Variants in ENPP6 observed in about 807,000 individuals in gnomAD.
ENPP6 encodes the protein glycerophosphocholine cholinephosphodiesterase ENPP6.
Under a neutral mutation model 42.0 loss-of-function variants are expected in ENPP6, and 32 were observed. That is an observed-to-expected ratio of 0.76 (90% CI 0.58 to 1.02). The LOEUF (loss-of-function observed/expected upper bound fraction) is 1.02. ENPP6 is among the 50% of genes least tolerant of loss of function. ENPP6 has a pLI of 0.00. For synonymous variants in ENPP6, 213 were observed against 216.0 expected, an observed-to-expected ratio of 0.99 and a Z score of 0.12; for missense variants, 552 against 566.8, an observed-to-expected ratio of 0.97 and a Z score of 0.27.
intron 2 of ENPP6, among the ~76,000 whole-genome samples, chr4:184,143,155 T>A (rs1197654982): frequency 6.6e-6 from 1 of 152,248 alleles, no homozygotes; most frequent in Non-Finnish European, 1.5e-5. Flanking sequence ...CACAGCAGAC[T>A]GAACCTACCT....
At position 184,131,473 on chromosome 4, in the gene ENPP6, C is replaced by T. The variant is rs1736632220; in HGVS notation, c.422-7201G>A. ...GTTCAAGCGATTCTCCTGCCTTAGC[C>T]TCCCCGAGTAGCTGGGACTACAGGC... On this transcript the variant is annotated intron_variant, in intron 2 of 7. Transcript: ENST00000296741. Among the ~76,000 whole-genome samples the T allele has an allele frequency of 2.0e-5, 3 of 151,172 alleles. No homozygotes were observed. In the South Asian group the frequency reaches 6.3e-4, roughly 32 times the overall value.
At chr4:184,140,388 A>C (rs1210748205) in intron 2 of ENPP6, among the ~76,000 whole-genome samples, 1 of 152,126 alleles carries the variant, frequency 6.6e-6, no homozygotes, top group South Asian at 2.1e-4. Context: ...GGAAAAAACT[A>C]CTTTAAGGTT....
intron 2 of ENPP6, among the ~76,000 whole-genome samples, chr4:184,135,035 G>T (rs758980559): frequency 2.0e-5 from 3 of 151,448 alleles, no homozygotes; most frequent in Non-Finnish European, 2.9e-5. Flanking sequence ...ATTGATTATT[G>T]TTTAATTACA....
At chr4:184,194,339 C>T (rs1732761479) in intron 1 of ENPP6, among the ~76,000 whole-genome samples, 1 of 152,216 alleles carries the variant, frequency 6.6e-6, no homozygotes, top group Admixed American at 6.5e-5. Context: ...GAGCAACGAA[C>T]AGTCACGATG....
chr4:184,200,581 A>G (rs116722072), intron 1 of ENPP6, among the ~76,000 whole-genome samples: 3,432 of 152,312 alleles, frequency 0.023, 139 homozygotes, highest in African/African-American at 0.079. Flanking sequence ...TTCTCACGCT[A>G]AACAGCAAGA....
chr4:184,117,999 G>T, intron 3 of ENPP6, 99 bp from the exon 4 acceptor site: 1 of 1,439,340 alleles, frequency 6.9e-7, no homozygotes, highest in South Asian at 1.4e-5. Flanking sequence ...CACGCCCCCC[G>T]AAACCTTGTC....
chr4:184,146,550 G>A, intron 2 of ENPP6, among the ~76,000 whole-genome samples: 1 of 152,198 alleles, frequency 6.6e-6, no homozygotes, highest in Non-Finnish European at 1.5e-5. Context: ...TTAAAGAAAT[G>A]AAATAGCCGC....
chr4:184,165,199 A>T (rs542328249), intron 1 of ENPP6, among the ~76,000 whole-genome samples: 1 of 152,338 alleles, frequency 6.6e-6, no homozygotes, highest in East Asian at 1.9e-4. Context: ...CAGTTTAATT[A>T]TAATAGTTCC....
chr4:184,168,888 C>A (rs1021273084), intron 1 of ENPP6, among the ~76,000 whole-genome samples: 4 of 152,194 alleles, frequency 2.6e-5, no homozygotes, highest in Admixed American at 1.3e-4. Context: ...GGCTGGGAGT[C>A]TCGTGCTGTG....
intron 2 of ENPP6, among the ~76,000 whole-genome samples, chr4:184,150,616 C>G (rs1042750769): frequency 1.3e-5 from 2 of 152,210 alleles, no homozygotes; most frequent in African/African-American, 2.4e-5. Context: ...TGCAGCTGCC[C>G]CCCAGGAAGA....
rs1735743550 is a variant in ENPP6, at chr4:184,089,278, C to A, written c.*1899G>T. On this transcript the variant is annotated 3_prime_UTR_variant, in exon 8 of 8. Transcript: ENST00000296741. ...AAATTCAGTATTTTTAAGCAGTGAT[C>A]CTTTGCTCTCATGATTCATGGCATG... is the stretch of plus-strand genomic sequence containing the variant. The A allele has an allele frequency of 6.6e-6, 1 of 152,062 alleles. No homozygotes were observed. The highest frequency in any genetic ancestry group is 2.1e-4 in the South Asian group (1 of 4,822). The allele number at this position is 152,062 out of a possible 1,614,324, so 9.4% of individuals were successfully genotyped here.
rs77210868 is a variant in ENPP6, at chr4:184,139,264, G to A, written c.421+14290C>T. ...AATGACAATGGCAAAGAAATGGAGC[G>A]TGGAAGAGAGAGCAGTTTCAGATTT... On this transcript the variant is annotated intron_variant, in intron 2 of 7. Coordinates refer to ENST00000296741, the MANE Select transcript of ENPP6 (RefSeq NM_153343.4). Among the ~76,000 whole-genome samples, 293 of 152,302 alleles carry A rather than the reference G, an allele frequency of 1.9e-3. 1 individual carries two copies. The East Asian group carries it at 0.022, about 12-fold the overall frequency.
intron 2 of ENPP6, among the ~76,000 whole-genome samples, chr4:184,126,640 ATGC>A (rs1736507505): frequency 6.6e-6 from 1 of 152,194 alleles, no homozygotes. Context: ...GCTGTAGACA[ATGC>A]TGGAGAGAAA....
At chr4:184,171,959 A>C (rs1420561914) in intron 1 of ENPP6, among the ~76,000 whole-genome samples, 1 of 152,210 alleles carries the variant, frequency 6.6e-6, no homozygotes, top group Non-Finnish European at 1.5e-5. Flanking sequence ...AGGTGCAGTC[A>C]GCACTGGAAG....
intron 2 of ENPP6, among the ~76,000 whole-genome samples, chr4:184,130,448 C>G (rs1289873313): frequency 1.0e-5 from 1 of 96,006 alleles, no homozygotes; most frequent in Non-Finnish European, 2.3e-5. Context: ...GTCCCAGCTA[C>G]TCGGGAGGCT....
intron 2 of ENPP6, among the ~76,000 whole-genome samples, chr4:184,140,773 A>C (rs1213253938): frequency 2.8e-4 from 33 of 119,168 alleles, no homozygotes; most frequent in Admixed American, 4.4e-4. Context: ...GTTAGACCTA[A>C]AACCATAAAA....
rs1055608359 is a variant in ENPP6, at chr4:184,209,028, G to C, written c.241+8551C>G. On this transcript the variant is annotated intron_variant, in intron 1 of 7. Coordinates refer to ENST00000296741, the MANE Select transcript of ENPP6 (RefSeq NM_153343.4). ...CAACAGACCTGCAGCTGAGGGTCCTGTCTGTTAGAAGGAAAACTAACAAAC... is the reference window on the plus strand; with the variant it reads ...CAACAGACCTGCAGCTGAGGGTCCTCTCTGTTAGAAGGAAAACTAACAAAC... Among the ~76,000 whole-genome samples the C allele has an allele frequency of 7.9e-3, 1,136 of 144,428 alleles. 12 individuals carry two copies. The highest frequency in any genetic ancestry group is 0.022 in the East Asian group (108 of 4,948). The allele number at this position is 144,428 out of a possible 152,430, so 94.8% of individuals were successfully genotyped here. A position where few individuals can be genotyped will look rare whatever the true frequency, so the allele number is the denominator to read the frequency against.
Position 184,147,827 on chromosome 4 carries a change from G to C in ENPP6, c.421+5727C>G, listed in dbSNP as rs560654661. ...AAAAAAAAAAAAAAGTATTCAGCTT[G>C]GCTCTTAGAGCCTGGCCTGGCCTCA... On this transcript the variant is annotated intron_variant, in intron 2 of 7. Transcript: ENST00000296741. Among the ~76,000 whole-genome samples the C allele has an allele frequency of 1.1e-4, 17 of 149,580 alleles. No homozygotes were observed. In the East Asian group the frequency reaches 3.1e-3, roughly 28 times the overall value.
intron 2 of ENPP6, among the ~76,000 whole-genome samples, chr4:184,129,271 A>C (rs559628078): frequency 1.4e-5 from 1 of 73,700 alleles, no homozygotes; most frequent in Admixed American, 1.2e-4. Flanking sequence ...CTGACGTAGT[A>C]CACAAACACC....
Sources: gnomAD v4.1 joint callset for allele counts (sites outside exome capture counted in the v4.1 genomes callset) on GRCh38, gnomAD v4.1.1 for gene constraint, MANE v1.5 for transcripts, NCBI Gene and HGNC (gene_info 2026-07-23, HGNC 2026-07-21) for gene names.